IL16: variants seen among roughly 807,000 people sequenced by gnomAD.
The protein encoded by IL16 is interleukin 16, also known as pro-interleukin-16.
IL16 carries 67 observed loss-of-function variants against 110.1 expected under a neutral mutation model. The observed-to-expected ratio is 0.61, with a 90% confidence interval of 0.50 to 0.75. IL16 has a LOEUF of 0.75. IL16 is among the 30% of genes least tolerant of loss of function. The probability of loss-of-function intolerance (pLI) is 0.00; values close to 1 mark genes in which losing one functional copy is unlikely to be tolerated. For synonymous variants in IL16, 689 were observed against 662.9 expected (o/e 1.04, Z -0.61); for missense variants, 1,545 against 1,655.0 (o/e 0.93, Z 1.15).
At chr15:81,217,249 T>C (rs1896466784) in intron 1 of IL16, among the ~76,000 whole-genome samples, 1 of 152,064 alleles carries the variant, frequency 6.6e-6, no homozygotes, top group Admixed American at 6.6e-5. Context: ...ATGCACAGAT[T>C]TTAGAAAATA....
chr15:81,259,951 A>T, intron 3 of IL16, 71 bp downstream of exon 3: 1 of 965,266 alleles, frequency 1.0e-6, no homozygotes, highest in East Asian at 2.4e-5. Flanking sequence ...TATTGGGAGG[A>T]TAGCGGCTCT....
chr15:81,205,019 A>G (rs78145492), intron 1 of IL16, among the ~76,000 whole-genome samples: 1,881 of 152,180 alleles, frequency 0.012, 40 homozygotes, highest in Middle Eastern at 0.044. Context: ...CAAATGATAA[A>G]TCTTAGACCG....
chr15:81,247,843 T>C (rs1452642087), intron 2 of IL16, among the ~76,000 whole-genome samples: 1 of 152,214 alleles, frequency 6.6e-6, no homozygotes, highest in Non-Finnish European at 1.5e-5. Context: ...AAGTGCCTTA[T>C]AATTAATTGT....
chr15:81,195,524 T>A (rs1294205632), upstream of IL16, among the ~76,000 whole-genome samples: 1 of 152,208 alleles, frequency 6.6e-6, no homozygotes, highest in East Asian at 1.9e-4. Flanking sequence ...CCCCTGTGCC[T>A]GCTGACAAAG....
upstream of IL16, among the ~76,000 whole-genome samples, chr15:81,192,502 G>A (rs556374501): frequency 1.0e-3 from 155 of 152,212 alleles, 1 homozygote; most frequent in African/African-American, 3.5e-3. Context: ...CTAGCTACTC[G>A]GGAGGCTGAG....
Position 81,313,066 on chromosome 15 carries a change from C to A in IL16, c.*4268C>A, listed in dbSNP as rs1306369821. On this transcript the variant is annotated 3_prime_UTR_variant, in exon 19 of 19. Coordinates refer to ENST00000683961, the MANE Select transcript of IL16 (RefSeq NM_172217.5). ...ACATGAATGGCTCATCACACGCCAA[C>A]CCTGAGTGGGGCAGGAGGCAGGAAG... The A allele has an allele frequency of 7.2e-6, 4 of 554,482 alleles. No homozygotes were observed. The highest frequency in any genetic ancestry group is 3.9e-5 in the African/African-American group (2 of 50,640). The allele number at this position is 554,482 out of a possible 1,614,324, so 34.3% of individuals were successfully genotyped here. A position where few individuals can be genotyped will look rare whatever the true frequency, so the allele number is the denominator to read the frequency against.
intron 2 of IL16, among the ~76,000 whole-genome samples, chr15:81,253,549 C>T (rs1454415588): frequency 6.6e-6 from 1 of 152,050 alleles, no homozygotes; most frequent in Non-Finnish European, 1.5e-5. Flanking sequence ...TAACCCAACC[C>T]AAGATTTACT....
chr15:81,229,025 A>G (rs1438450047), intron 2 of IL16, among the ~76,000 whole-genome samples: 4 of 152,232 alleles, frequency 2.6e-5, no homozygotes, highest in African/African-American at 7.2e-5. Flanking sequence ...TAATTGCTTG[A>G]TAAATATGAT....
At chr15:81,245,890 T>G (rs1289893951) in intron 2 of IL16, among the ~76,000 whole-genome samples, 1 of 152,082 alleles carries the variant, frequency 6.6e-6, no homozygotes, top group Non-Finnish European at 1.5e-5. Context: ...TTTCAGAGTC[T>G]TCTTATGTTT....
chr15:81,237,538 T>C (rs1268578428), intron 2 of IL16, among the ~76,000 whole-genome samples: 1 of 152,218 alleles, frequency 6.6e-6, no homozygotes, highest in Non-Finnish European at 1.5e-5. Context: ...AGATGCCCTA[T>C]ACACCGGTGT....
chr15:81,228,322 A>AC (rs370166081), intron 2 of IL16, among the ~76,000 whole-genome samples: 1 of 140,446 alleles, frequency 7.1e-6, no homozygotes, highest in Non-Finnish European at 1.5e-5. Flanking sequence ...TGTACAACAC[A>AC]TTTTTTTTTT....
intron 1 of IL16, among the ~76,000 whole-genome samples, chr15:81,213,106 G>A (rs1170797964): frequency 6.6e-6 from 1 of 151,238 alleles, no homozygotes; most frequent in Non-Finnish European, 1.5e-5. Flanking sequence ...TAATTTAAAA[G>A]AATATTTTAA....
rs1252615278 is a variant in IL16, at chr15:81,312,059, A to G, written c.*3261A>G. The G allele has an allele frequency of 6.6e-6, 1 of 152,220 alleles. No individual in the cohort carries two copies. The highest frequency in any genetic ancestry group is 1.5e-5 in the Non-Finnish European group (1 of 68,050). The allele number at this position is 152,220 out of a possible 1,614,324, so 9.4% of individuals were successfully genotyped here. ...ACTGTGAAAACATTTTGCGCGCACA[A>G]TAGTAACCTGGGTAAATGCAGCGTG... On this transcript the variant is annotated 3_prime_UTR_variant, in exon 19 of 19. Transcript: ENST00000683961.
At chr15:81,286,834 A>G (rs1899472363) in intron 10 of IL16, among the ~76,000 whole-genome samples, 1 of 152,230 alleles carries the variant, frequency 6.6e-6, no homozygotes, top group African/African-American at 2.4e-5. Context: ...AAGAGATTTA[A>G]TAGACTTACA....
At chr15:81,194,227 C>T (rs533268955), upstream of IL16, among the ~76,000 whole-genome samples, 6 of 152,074 alleles carry the variant, frequency 3.9e-5, no homozygotes, top group African/African-American at 1.4e-4. Context: ...TTGACAGAGC[C>T]GCTTAGTACA....
intron 3 of IL16, among the ~76,000 whole-genome samples, chr15:81,261,675 T>C (rs1460727215): frequency 6.6e-6 from 1 of 152,174 alleles, no homozygotes; most frequent in Admixed American, 6.5e-5. Context: ...CCCACCCCTC[T>C]GTGTATGGCT....
intron 2 of IL16, among the ~76,000 whole-genome samples, chr15:81,257,913 A>C (rs78495216): frequency 0.01 from 1,558 of 152,296 alleles, 19 homozygotes; most frequent in African/African-American, 0.036. Context: ...TACTCAGCCA[A>C]TCATTCACAT....
upstream of IL16, among the ~76,000 whole-genome samples, chr15:81,193,242 T>G (rs1895526060): frequency 6.6e-6 from 1 of 152,070 alleles, no homozygotes; most frequent in Non-Finnish European, 1.5e-5. Context: ...AATGTGGAAG[T>G]TTAGGGAAGA....
chr15:81,248,396 A>G (rs1010907282), intron 2 of IL16, among the ~76,000 whole-genome samples: 1 of 151,662 alleles, frequency 6.6e-6, no homozygotes, highest in South Asian at 2.1e-4. Context: ...TTTTACCTGT[A>G]TATTTCTTAA....
Sources: allele counts gnomAD v4.1 joint callset (sites outside exome capture counted in the v4.1 genomes callset), GRCh38; gene constraint gnomAD v4.1.1; transcripts MANE v1.5; gene names NCBI Gene and HGNC (gene_info 2026-07-23, HGNC 2026-07-21).